The following CSRNP3 variants were observed in gnomAD, a reference collection of about 807,000 sequenced individuals.
The protein encoded by CSRNP3 is cysteine/serine-rich nuclear protein 3.
A neutral mutation model predicts 48.0 loss-of-function variants in CSRNP3; 12 were observed. That is an observed-to-expected ratio of 0.25 (90% CI 0.16 to 0.41). CSRNP3 has a LOEUF of 0.41. CSRNP3 is among the 10% of genes least tolerant of loss of function. The pLI is 1.00. For missense variants in CSRNP3, 580 were observed against 724.4 expected (o/e 0.80, Z 2.29); for synonymous variants, 263 against 269.7 (o/e 0.98, Z 0.24).
intron 4 of CSRNP3, among the ~76,000 whole-genome samples, chr2:165,596,523 A>G (rs906155414): frequency 1.3e-5 from 2 of 152,222 alleles, no homozygotes; most frequent in Non-Finnish European, 2.9e-5. Context: ...AATCAATAGC[A>G]TTCCATTAAG....
At chr2:165,515,812 T>C (rs1684574962) in intron 2 of CSRNP3, among the ~76,000 whole-genome samples, 1 of 146,082 alleles carries the variant, frequency 6.8e-6, no homozygotes, top group Non-Finnish European at 1.5e-5. Flanking sequence ...TTTTTTTTTT[T>C]TTTTTTTTTT....
rs538098135 is a variant in CSRNP3, at chr2:165,633,786, A to G, written c.149-23975A>G. Among the ~76,000 whole-genome samples the G allele has an allele frequency of 7.9e-5, 12 of 152,338 alleles. No individual in the cohort carries two copies. The South Asian group carries it at 2.3e-3, about 29-fold the overall frequency. ...GTTAAATATAACTAGTTACTAAAATATAGACAGAAGCTCCTCTGCAATCAT... is the reference window on the plus strand; with the variant it reads ...GTTAAATATAACTAGTTACTAAAATGTAGACAGAAGCTCCTCTGCAATCAT... On this transcript the variant is annotated intron_variant, in intron 4 of 6. Coordinates refer to ENST00000651982, the MANE Select transcript of CSRNP3 (RefSeq NM_001172173.2).
rs117001707 is a variant in CSRNP3, at chr2:165,649,191, C to A, written c.149-8570C>A. Among the ~76,000 whole-genome samples, 90 of 152,294 alleles carry A rather than the reference C, an allele frequency of 5.9e-4. No homozygotes were observed. In the East Asian group the frequency reaches 8.5e-3, roughly 14 times the overall value. Reference sequence around the variant, plus strand: ...TTTAAATGCATACACAGTATTTGCACATATCTTGATAGAATACTTATTATG... The same window carrying A: ...TTTAAATGCATACACAGTATTTGCAAATATCTTGATAGAATACTTATTATG... On this transcript the variant is annotated intron_variant, in intron 4 of 6. Transcript: ENST00000651982.
chr2:165,469,998 A>C (rs1683870997), intron 1 of CSRNP3, among the ~76,000 whole-genome samples: 1 of 152,130 alleles, frequency 6.6e-6, no homozygotes, highest in South Asian at 2.1e-4. Context: ...TTTCTATGCA[A>C]GTGTCACTGA....
intron 3 of CSRNP3, among the ~76,000 whole-genome samples, chr2:165,529,183 G>A (rs1002493005): frequency 6.6e-6 from 1 of 152,270 alleles, no homozygotes; most frequent in Non-Finnish European, 1.5e-5. Context: ...AATACTTTGG[G>A]GGAACTGTTG....
intron 6 of CSRNP3, among the ~76,000 whole-genome samples, chr2:165,677,147 C>G (rs375324545): frequency 6.6e-6 from 1 of 152,186 alleles, no homozygotes; most frequent in African/African-American, 2.4e-5. Flanking sequence ...AATGAAGGAA[C>G]CGAACTAGGT....
chr2:165,483,503 T>C (rs1251900678), intron 1 of CSRNP3, among the ~76,000 whole-genome samples: 2 of 152,216 alleles, frequency 1.3e-5, no homozygotes, highest in South Asian at 4.1e-4. Flanking sequence ...CTCCTTATAT[T>C]CTTTTAAGTC....
At chr2:165,518,363 C>A (rs1684607987) in intron 3 of CSRNP3, among the ~76,000 whole-genome samples, 1 of 151,862 alleles carries the variant, frequency 6.6e-6, no homozygotes, top group African/African-American at 2.4e-5. Context: ...GATAGCTAAT[C>A]AGCAATCCTT....
chr2:165,668,405 T>TC (rs1162992102), intron 5 of CSRNP3, among the ~76,000 whole-genome samples: 1 of 137,582 alleles, frequency 7.3e-6, no homozygotes, highest in Non-Finnish European at 1.6e-5. Flanking sequence ...TTCTTTCTTT[T>TC]TTTTTTTTTT....
At chr2:165,642,385 C>T (rs900295283) in intron 4 of CSRNP3, among the ~76,000 whole-genome samples, 2 of 152,144 alleles carry the variant, frequency 1.3e-5, no homozygotes, top group African/African-American at 2.4e-5. Flanking sequence ...CAGTTTTAGA[C>T]TCTTCACAGG....
intron 5 of CSRNP3, among the ~76,000 whole-genome samples, chr2:165,668,810 T>C (rs1244285564): frequency 6.6e-6 from 1 of 152,168 alleles, no homozygotes; most frequent in Non-Finnish European, 1.5e-5. Context: ...ACGTTGTCTT[T>C]TTTTGTTTCC....
intron 4 of CSRNP3, among the ~76,000 whole-genome samples, chr2:165,600,584 C>T (rs1685897676): frequency 6.6e-6 from 1 of 152,216 alleles, no homozygotes; most frequent in Admixed American, 6.5e-5. Flanking sequence ...TCCACATCCT[C>T]TCCAGCACCT....
At chr2:165,535,253 T>C (rs1343484950) in intron 3 of CSRNP3, among the ~76,000 whole-genome samples, 1 of 151,690 alleles carries the variant, frequency 6.6e-6, no homozygotes, top group South Asian at 2.1e-4. Context: ...AAGAGAAATA[T>C]TTGGAGCTTC....
chr2:165,490,058 C>T (rs1049455103), intron 1 of CSRNP3, among the ~76,000 whole-genome samples: 41 of 151,732 alleles, frequency 2.7e-4, no homozygotes, highest in Admixed American at 9.2e-4. Context: ...CCCATCGTCT[C>T]AGCCCAAAAT....
In CSRNP3 at chr2:165,627,760, T is replaced by A. The variant is rs1321979364; in HGVS notation, c.149-30001T>A. Among the ~76,000 whole-genome samples, 4 of 152,298 alleles carry A rather than the reference T, an allele frequency of 2.6e-5. No individual in the cohort carries two copies. In the South Asian group the frequency reaches 8.3e-4, roughly 32 times the overall value. ...CTCCTCCCACCATTAGTAACTATGG[T>A]TGAAAAGATGTCCTTATTTGTTCTT... On this transcript the variant is annotated intron_variant, in intron 4 of 6. Coordinates refer to ENST00000651982, the MANE Select transcript of CSRNP3 (RefSeq NM_001172173.2).
intron 2 of CSRNP3, among the ~76,000 whole-genome samples, chr2:165,498,623 C>T (rs907341087): frequency 5.9e-5 from 9 of 152,172 alleles, no homozygotes; most frequent in African/African-American, 1.7e-4. Context: ...CTCAAAAGCA[C>T]AATTGGACCA....
At chr2:165,677,584 A>T (rs1256860138) in intron 6 of CSRNP3, among the ~76,000 whole-genome samples, 2 of 27,640 alleles carry the variant, frequency 7.2e-5, no homozygotes, top group African/African-American at 1.1e-4. Context: ...ATTCATGAGT[A>T]AAAAAAAAAA....
intron 5 of CSRNP3, among the ~76,000 whole-genome samples, chr2:165,673,929 G>A (rs546788583): frequency 1.6e-4 from 25 of 152,256 alleles, no homozygotes; most frequent in African/African-American, 5.8e-4. Context: ...GCTGAGGCAG[G>A]AGAATCACTT....
chr2:165,687,401 C>T lies in CSRNP3; in HGVS notation c.*7648C>T, dbSNP rs1212337222. On this transcript the variant is annotated 3_prime_UTR_variant, in exon 7 of 7. Coordinates refer to ENST00000651982, the MANE Select transcript of CSRNP3 (RefSeq NM_001172173.2). ...GACTGTTTCAGATCCCCAGTACAAA[C>T]ATCAGAACTAGGATCAAATGACTTG... is the stretch of plus-strand genomic sequence containing the variant. 6.6e-6 allele frequency: 1 copy of T among 152,090 alleles called. No homozygotes were observed. The highest frequency in any genetic ancestry group is 1.5e-5 in the Non-Finnish European group (1 of 67,988). The allele number at this position is 152,090 out of a possible 1,614,324, so 9.4% of individuals were successfully genotyped here.
Sources: gnomAD v4.1 joint callset for allele counts (sites outside exome capture counted in the v4.1 genomes callset) on GRCh38, gnomAD v4.1.1 for gene constraint, MANE v1.5 for transcripts, NCBI Gene and HGNC (gene_info 2026-07-23, HGNC 2026-07-21) for gene names.